KCNH7: variants seen among roughly 807,000 people sequenced by gnomAD.
The protein encoded by KCNH7 is potassium voltage-gated channel subfamily H member 7, also known as voltage-gated inwardly rectifying potassium channel KCNH7.
KCNH7 carries 49 observed loss-of-function variants against 120.8 expected under a neutral mutation model. The observed-to-expected ratio is 0.41, with a 90% CI of 0.32 to 0.51. The LOEUF (loss-of-function observed/expected upper bound fraction) is 0.51, where lower values mean the gene tolerates loss of function less well. Ranked by LOEUF, KCNH7 falls within the 20% of genes least tolerant of loss-of-function variation. The probability of loss-of-function intolerance (pLI) is 0.38; values close to 1 mark genes in which losing one functional copy is unlikely to be tolerated. For missense variants in KCNH7, 1,097 were observed against 1,446.6 expected, an observed-to-expected ratio of 0.76 and a Z score of 3.92; for synonymous variants, 547 against 516.1, an observed-to-expected ratio of 1.06 and a Z score of -0.81.
chr2:162,418,349 A>T (rs1687599882), intron 9 of KCNH7, among the ~76,000 whole-genome samples: 1 of 152,162 alleles, frequency 6.6e-6, no homozygotes, highest in Non-Finnish European at 1.5e-5. Flanking sequence ...TATGATATAC[A>T]TATCAGTCTA....
intron 2 of KCNH7, among the ~76,000 whole-genome samples, chr2:162,632,836 T>G (rs1034383741): frequency 6.6e-6 from 1 of 151,874 alleles, no homozygotes; most frequent in Non-Finnish European, 1.5e-5. Context: ...ATAAATTTTA[T>G]ATGAATTGAA....
intron 6 of KCNH7, among the ~76,000 whole-genome samples, chr2:162,463,803 A>G (rs1689226508): frequency 6.6e-6 from 1 of 151,414 alleles, no homozygotes; most frequent in Non-Finnish European, 1.5e-5. Flanking sequence ...AACAACTATA[A>G]CAAAAAAGTA....
intron 2 of KCNH7, among the ~76,000 whole-genome samples, chr2:162,675,611 T>C (rs780012056): frequency 6.3e-4 from 96 of 151,498 alleles, no homozygotes; most frequent in Admixed American, 7.3e-4. Flanking sequence ...GTGAAAAATA[T>C]GCAGGTACAA....
chr2:162,423,167 G>T, intron 9 of KCNH7, 169 bp downstream of exon 9: 1 of 1,386,334 alleles, frequency 7.2e-7, no homozygotes, highest in Non-Finnish European at 9.9e-7. Flanking sequence ...ATAGCACCAT[G>T]CAATGCCATG....
chr2:162,763,565 C>T lies in KCNH7; in HGVS notation c.307+72972G>A, dbSNP rs149255328. On this transcript the variant is annotated intron_variant, in intron 2 of 15. Coordinates refer to ENST00000332142, the MANE Select transcript of KCNH7 (RefSeq NM_033272.4). ...AAAATACGATGGCCAGAGCTTGATG[C>T]ATCCATAGAGAGTAAACATTCAACC... is the stretch of plus-strand genomic sequence containing the variant. Among the ~76,000 whole-genome samples the T allele has an allele frequency of 9.4e-4, 143 of 152,070 alleles. 2 individuals are homozygous for T. Among genetic ancestry groups the T allele is most frequent in the African/African-American group, 3.4e-3 (141 of 41,496 alleles).
intron 2 of KCNH7, among the ~76,000 whole-genome samples, chr2:162,642,868 C>T (rs1238726032): frequency 2.0e-5 from 3 of 152,160 alleles, no homozygotes; most frequent in Admixed American, 6.5e-5. Context: ...AAAGAAAACA[C>T]CACAGATATC....
intron 2 of KCNH7, among the ~76,000 whole-genome samples, chr2:162,623,717 G>A (rs1437178714): frequency 6.6e-6 from 1 of 152,048 alleles, no homozygotes; most frequent in Non-Finnish European, 1.5e-5. Flanking sequence ...ACTACCTTAC[G>A]TACCTGTGAT....
At chr2:162,756,049 T>A (rs1574347376) in intron 2 of KCNH7, among the ~76,000 whole-genome samples, 1 of 152,328 alleles carries the variant, frequency 6.6e-6, no homozygotes, top group Non-Finnish European at 1.5e-5. Context: ...ACTCTAATTA[T>A]GTTGACTAAA....
At chr2:162,474,401 A>G (rs1574002754) in intron 6 of KCNH7, among the ~76,000 whole-genome samples, 1 of 152,248 alleles carries the variant, frequency 6.6e-6, no homozygotes, top group South Asian at 2.1e-4. Context: ...CATAGCAAAA[A>G]TAGTTTCACT....
In KCNH7 at chr2:162,725,914, T is replaced by C. The variant is rs1687498663; in HGVS notation, c.307+110623A>G. On this transcript the variant is annotated intron_variant, in intron 2 of 15. Coordinates refer to ENST00000332142, the MANE Select transcript of KCNH7 (RefSeq NM_033272.4). The stretch of plus-strand genomic sequence containing the variant: ...AAATTCCAGATACCGTATCATGTCA[T>C]CTGCACATATTTCAGCATGTATTTC... 2.0e-5 allele frequency among the ~76,000 whole-genome samples: 3 copies of C among 152,238 alleles called. 1 individual carries two copies. The South Asian group carries it at 6.2e-4, about 31-fold the overall frequency.
chr2:162,731,619 T>G (rs777300931), intron 2 of KCNH7, among the ~76,000 whole-genome samples: 1 of 151,944 alleles, frequency 6.6e-6, no homozygotes, highest in Non-Finnish European at 1.5e-5. Context: ...TACCTTATTT[T>G]TATGGATATT....
At chr2:162,682,127 C>T (rs1031000482) in intron 2 of KCNH7, among the ~76,000 whole-genome samples, 1 of 151,552 alleles carries the variant, frequency 6.6e-6, no homozygotes, top group African/African-American at 2.4e-5. Context: ...GTACCTACTC[C>T]AATGCACAGA....
chr2:162,695,144 T>C (rs1686245465), intron 2 of KCNH7, among the ~76,000 whole-genome samples: 1 of 152,186 alleles, frequency 6.6e-6, no homozygotes, highest in Non-Finnish European at 1.5e-5. Flanking sequence ...ATTCTTATTT[T>C]GCAGTGGTTT....
intron 6 of KCNH7, among the ~76,000 whole-genome samples, chr2:162,499,019 C>CA (rs1690589624): frequency 3.9e-5 from 6 of 152,146 alleles, no homozygotes; most frequent in African/African-American, 7.2e-5. Context: ...TTGACTGATA[C>CA]AATGGCCAAT....
intron 2 of KCNH7, among the ~76,000 whole-genome samples, chr2:162,634,591 T>C (rs1409487249): frequency 6.6e-6 from 1 of 152,016 alleles, no homozygotes; most frequent in Non-Finnish European, 1.5e-5. Context: ...AGGTGAGCAT[T>C]GTAATCTCTA....
chr2:162,570,109 T>C lies in KCNH7; in HGVS notation c.308-33029A>G, dbSNP rs183122274. On this transcript the variant is annotated intron_variant, in intron 2 of 15. Transcript: ENST00000332142. ...TTGTTGACTTTCTGTCTCGTTGATCTGTCTAATGTTGATAGTGGGGTCTTA... is the reference window on the plus strand; with the variant it reads ...TTGTTGACTTTCTGTCTCGTTGATCCGTCTAATGTTGATAGTGGGGTCTTA... Among the ~76,000 whole-genome samples, 360 of 149,004 alleles carry C rather than the reference T, an allele frequency of 2.4e-3. 5 individuals are homozygous for C. Among genetic ancestry groups the C allele is most frequent in the Middle Eastern group, 0.01 (3 of 294 alleles).
At chr2:162,817,455 A>G (rs1189012775) in intron 2 of KCNH7, among the ~76,000 whole-genome samples, 1 of 152,070 alleles carries the variant, frequency 6.6e-6, no homozygotes, top group Admixed American at 6.6e-5. Flanking sequence ...TAATTTATCT[A>G]TTAACCTGCT....
intron 5 of KCNH7, among the ~76,000 whole-genome samples, chr2:162,507,471 C>A (rs1690919529): frequency 6.6e-6 from 1 of 151,590 alleles, no homozygotes; most frequent in East Asian, 1.9e-4. Flanking sequence ...TGTTGGTTTT[C>A]AGTCTCATTC....
At chr2:162,819,155 C>T (rs1685015193) in intron 2 of KCNH7, among the ~76,000 whole-genome samples, 1 of 152,012 alleles carries the variant, frequency 6.6e-6, no homozygotes, top group African/African-American at 2.4e-5. Flanking sequence ...CTGTTAAAAA[C>T]AAATGATCTA....
Sources: gnomAD v4.1 joint callset for allele counts (sites outside exome capture counted in the v4.1 genomes callset) on GRCh38, gnomAD v4.1.1 for gene constraint, MANE v1.5 for transcripts, NCBI Gene and HGNC (gene_info 2026-07-23, HGNC 2026-07-21) for gene names.